RGS17: variants seen among roughly 807,000 people sequenced by gnomAD.
RGS17 encodes the protein regulator of G-protein signaling 17.
RGS17 carries 12 observed loss-of-function variants against 25.5 expected under a neutral mutation model. That is an observed-to-expected ratio of 0.47 (90% CI 0.30 to 0.76). The LOEUF (loss-of-function observed/expected upper bound fraction) is 0.76. Ranked by LOEUF, RGS17 falls within the 30% of genes least tolerant of loss-of-function variation. The probability of loss-of-function intolerance (pLI) is 0.07; values close to 1 mark genes in which losing one functional copy is unlikely to be tolerated. For missense variants in RGS17, 196 were observed against 242.2 expected, an observed-to-expected ratio of 0.81 and a Z score of 1.27; for synonymous variants, 71 against 76.9, an observed-to-expected ratio of 0.92 and a Z score of 0.40.
chr6:153,102,495 G>A (rs1777320179), intron 1 of RGS17, among the ~76,000 whole-genome samples: 1 of 152,124 alleles, frequency 6.6e-6, no homozygotes, highest in Admixed American at 6.5e-5. Flanking sequence ...TTGGCTCTGT[G>A]TCCCACTCAA....
chr6:153,072,689 T>A (rs1776822564), intron 1 of RGS17, among the ~76,000 whole-genome samples: 1 of 152,206 alleles, frequency 6.6e-6, no homozygotes, highest in Non-Finnish European at 1.5e-5. Flanking sequence ...CTAGCAGAAG[T>A]AGAGGCCTCA....
chr6:153,037,645 C>T (rs1776266811), intron 2 of RGS17, among the ~76,000 whole-genome samples: 1 of 151,426 alleles, frequency 6.6e-6, no homozygotes, highest in African/African-American at 2.4e-5. Flanking sequence ...AGGCTGGTCT[C>T]AAACTCCTGA....
chr6:153,059,093 A>G (rs7762794), intron 1 of RGS17, among the ~76,000 whole-genome samples: 58,297 of 151,860 alleles, frequency 0.38, 11,875 homozygotes, highest in East Asian at 0.62. Context: ...TACAGTCTTC[A>G]CTGAAATGTC....
chr6:153,075,350 G>A (rs1200304369), intron 1 of RGS17, among the ~76,000 whole-genome samples: 3 of 152,114 alleles, frequency 2.0e-5, no homozygotes, highest in Non-Finnish European at 2.9e-5. Context: ...CTGGGCATAC[G>A]TCTCATGGAG....
At chr6:153,041,644 G>C (rs1346778025) in intron 2 of RGS17, among the ~76,000 whole-genome samples, 1 of 152,194 alleles carries the variant, frequency 6.6e-6, no homozygotes, top group African/African-American at 2.4e-5. Flanking sequence ...AGTTTTGGCA[G>C]CTAAGGAAAA....
At chr6:153,105,370 C>T (rs968092998) in intron 1 of RGS17, among the ~76,000 whole-genome samples, 26 of 152,122 alleles carry the variant, frequency 1.7e-4, no homozygotes, top group Non-Finnish European at 3.7e-4. Context: ...GACCTATTAT[C>T]TGTGCTGGGC....
intron 1 of RGS17, among the ~76,000 whole-genome samples, chr6:153,049,670 G>T (rs1776436516): frequency 6.6e-6 from 1 of 152,070 alleles, no homozygotes; most frequent in East Asian, 1.9e-4. Flanking sequence ...AGAATGGCAT[G>T]AACCTGGGAG....
chr6:153,069,516 G>A (rs1776755148), intron 1 of RGS17, among the ~76,000 whole-genome samples: 1 of 152,022 alleles, frequency 6.6e-6, no homozygotes. Context: ...AAAAAAAATA[G>A]TTAGAAGGAA....
chr6:153,062,779 T>A (rs553418361), intron 1 of RGS17, among the ~76,000 whole-genome samples: 1 of 152,178 alleles, frequency 6.6e-6, no homozygotes, highest in Admixed American at 6.5e-5. Flanking sequence ...GAAGACTTTG[T>A]CTTGCATCTT....
Position 153,007,078 on chromosome 6 carries a change from T to C in RGS17, c.*4496A>G, listed in dbSNP as rs1445257054. 6.6e-6 allele frequency: 1 copy of C among 152,210 alleles called. No homozygotes were observed. The highest frequency in any genetic ancestry group is 1.5e-5 in the Non-Finnish European group (1 of 68,036). 9.4% of individuals were successfully genotyped at this position (152,210 alleles called of 1,614,324 possible). A position where few individuals can be genotyped will look rare whatever the true frequency, so the allele number is the denominator to read the frequency against. On this transcript the variant is annotated 3_prime_UTR_variant, in exon 5 of 5. Transcript: ENST00000206262. ...AGAGTCAAAGTCTTGAACAGCCTCTTGAATTCATCTGAAAAGATGTTACTT... is the reference window on the plus strand; with the variant it reads ...AGAGTCAAAGTCTTGAACAGCCTCTCGAATTCATCTGAAAAGATGTTACTT...
At chr6:153,041,452 T>G (rs1300153456) in intron 2 of RGS17, among the ~76,000 whole-genome samples, 1 of 152,236 alleles carries the variant, frequency 6.6e-6, no homozygotes, top group Non-Finnish European at 1.5e-5. Flanking sequence ...CTATTGCCTG[T>G]GTACTGCAAT....
chr6:153,113,062 C>T (rs917894406), intron 1 of RGS17, among the ~76,000 whole-genome samples: 16 of 152,140 alleles, frequency 1.1e-4, no homozygotes, highest in East Asian at 3.9e-4. Flanking sequence ...ATCAAATTCA[C>T]ATATATCAAT....
intron 1 of RGS17, among the ~76,000 whole-genome samples, chr6:153,100,303 T>G (rs188022836): frequency 9.2e-5 from 14 of 152,338 alleles, no homozygotes; most frequent in African/African-American, 3.1e-4. Context: ...ATTCATCACA[T>G]AGTTTATCTG....
At chr6:153,064,303 A>C (rs1010469913) in intron 1 of RGS17, among the ~76,000 whole-genome samples, 3 of 152,186 alleles carry the variant, frequency 2.0e-5, no homozygotes, top group Admixed American at 6.5e-5. Context: ...CATAGACAGT[A>C]CAATAAGATA....
At chr6:153,017,212 T>C (rs930905475) in intron 4 of RGS17, among the ~76,000 whole-genome samples, 3 of 151,944 alleles carry the variant, frequency 2.0e-5, no homozygotes, top group Admixed American at 2.0e-4. Flanking sequence ...GTTTTAGCAG[T>C]GCTGAAAAGT....
At chr6:153,100,309 ATCTGT>A (rs1777281261) in intron 1 of RGS17, among the ~76,000 whole-genome samples, 2 of 152,200 alleles carry the variant, frequency 1.3e-5, no homozygotes, top group Non-Finnish European at 2.9e-5. Flanking sequence ...CACATAGTTT[ATCTGT>A]TCTTTCTTCC....
chr6:153,026,725 A>G (rs2129107204), intron 2 of RGS17, among the ~76,000 whole-genome samples, 182 bp from the exon 3 acceptor site: 1 of 152,362 alleles, frequency 6.6e-6, no homozygotes, highest in South Asian at 2.1e-4. Flanking sequence ...AGGGAAGAGA[A>G]TAATTTTTAA....
At chr6:153,021,227 G>T (rs1779244731) in intron 4 of RGS17, among the ~76,000 whole-genome samples, 1 of 152,194 alleles carries the variant, frequency 6.6e-6, no homozygotes, top group Non-Finnish European at 1.5e-5. Flanking sequence ...AAAATCCTGT[G>T]CACCTGAATA....
In RGS17 at chr6:153,005,207, C is replaced by G. The variant is rs1312822265; in HGVS notation, c.*6367G>C. ...CTTATGACAATTAGTAAGATAAGAT[C>G]TTTAATATCCAAAGTATGTGGAGGA... On this transcript the variant is annotated 3_prime_UTR_variant, in exon 5 of 5. Transcript: ENST00000206262. 3 of 152,058 alleles carry G rather than the reference C, an allele frequency of 2.0e-5. No individual in the cohort carries two copies. The highest frequency in any genetic ancestry group is 4.4e-5 in the Non-Finnish European group (3 of 68,006). 9.4% of individuals were successfully genotyped at this position (152,058 alleles called of 1,614,324 possible).
Sources: gnomAD v4.1 joint callset for allele counts (sites outside exome capture counted in the v4.1 genomes callset) on GRCh38, gnomAD v4.1.1 for gene constraint, MANE v1.5 for transcripts, NCBI Gene and HGNC (gene_info 2026-07-23, HGNC 2026-07-21) for gene names.